Variants in KLHL7 observed in about 807,000 individuals in gnomAD.
KLHL7 encodes the protein kelch-like protein 7.
A neutral mutation model predicts 67.4 loss-of-function variants in KLHL7; 44 were observed. The observed-to-expected ratio is 0.65, with a 90% CI of 0.51 to 0.84. The LOEUF is 0.84. KLHL7 is among the 40% of genes least tolerant of loss of function. KLHL7 has a pLI of 0.00. For missense variants in KLHL7, 362 were observed against 718.1 expected (o/e 0.50, Z 5.67); for synonymous variants, 252 against 243.3 (o/e 1.04, Z -0.33).
chr7:23,162,054 A>G (rs563091227), intron 7 of KLHL7, among the ~76,000 whole-genome samples: 1 of 152,330 alleles, frequency 6.6e-6, no homozygotes, highest in African/African-American at 2.4e-5. Flanking sequence ...AACAATGACA[A>G]TTCAAGTGCC....
intron 4 of KLHL7, among the ~76,000 whole-genome samples, chr7:23,140,505 C>T (rs530321706): frequency 9.9e-5 from 15 of 152,014 alleles, no homozygotes; most frequent in Non-Finnish European, 1.9e-4. Context: ...TGCAGTGAGC[C>T]GAGATCGCGC....
intron 9 of KLHL7, among the ~76,000 whole-genome samples, chr7:23,170,474 A>G (rs1162356395): frequency 1.3e-5 from 2 of 152,254 alleles, no homozygotes; most frequent in Non-Finnish European, 2.9e-5. Flanking sequence ...ACAGAAATAC[A>G]GTTAGATAGG....
chr7:23,149,586 C>G (rs952799184), intron 6 of KLHL7, among the ~76,000 whole-genome samples: 2 of 152,218 alleles, frequency 1.3e-5, no homozygotes, highest in African/African-American at 2.4e-5. Context: ...TTAGGATTTT[C>G]AACACACTTC....
At chr7:23,121,228 A>T (rs1398524351) in intron 1 of KLHL7, among the ~76,000 whole-genome samples, 1 of 152,064 alleles carries the variant, frequency 6.6e-6, no homozygotes, top group African/African-American at 2.4e-5. Context: ...TTCTTTATCA[A>T]TTCGTCTATC....
chr7:23,106,221 A>AC, intron 1 of KLHL7, 75 bp downstream of exon 1: 1 of 1,565,578 alleles, frequency 6.4e-7, no homozygotes, highest in Non-Finnish European at 8.7e-7. Context: ...CCGGGGTGGA[A>AC]CCCCGCGCCC....
At chr7:23,145,780 G>C (rs1034641078) in intron 6 of KLHL7, among the ~76,000 whole-genome samples, 1 of 152,172 alleles carries the variant, frequency 6.6e-6, no homozygotes, top group African/African-American at 2.4e-5. Context: ...TCCCAGGCTG[G>C]AGTACAGTGG....
intron 1 of KLHL7, among the ~76,000 whole-genome samples, chr7:23,120,085 C>T (rs554649758): frequency 9.9e-5 from 15 of 152,196 alleles, no homozygotes; most frequent in African/African-American, 3.6e-4. Context: ...TCTCGGCTCA[C>T]TGCAACCTTT....
chr7:23,125,715 T>C (rs932688935), intron 4 of KLHL7: 99 of 1,454,018 alleles, frequency 6.8e-5, no homozygotes, highest in Non-Finnish European at 8.5e-5. Flanking sequence ...GGGACTGCTA[T>C]AGCCATTTTG....
Position 23,144,033 on chromosome 7 carries a change from G to C in KLHL7, c.793+8G>C. 1 of 1,610,678 alleles carries C rather than the reference G, an allele frequency of 6.2e-7. No individual in the cohort carries two copies. On this transcript the variant is annotated splice_region_variant and intron_variant, in intron 6 of 10. Coordinates refer to ENST00000339077, the MANE Select transcript of KLHL7 (RefSeq NM_001031710.3). The stretch of plus-strand genomic sequence containing the variant: ...GCCTTAAGATGGTGATAAGTAAGTT[G>C]CCTTAATAACCATTTATAACCTGAT...
chr7:23,140,529 C>G (rs1043192152), intron 4 of KLHL7: 10 of 485,608 alleles, frequency 2.1e-5, no homozygotes, highest in Non-Finnish European at 3.4e-5. Context: ...TGCACTCCAG[C>G]CTGGGCGATG....
In KLHL7 at chr7:23,147,095, T is replaced by A. The variant is rs572327616; in HGVS notation, c.793+3070T>A. Reference sequence around the variant, plus strand: ...CTATGTATTACTTATTAACCTGGACTTTTTTTTTTTTTTTTTTAGACAGTC... The same window carrying A: ...CTATGTATTACTTATTAACCTGGACATTTTTTTTTTTTTTTTTAGACAGTC... On this transcript the variant is annotated intron_variant, in intron 6 of 10. Transcript: ENST00000339077. Among the ~76,000 whole-genome samples, 190 of 131,958 alleles carry A rather than the reference T, an allele frequency of 1.4e-3. No homozygotes were observed. In the South Asian group the frequency reaches 0.022, roughly 16 times the overall value. 86.6% of individuals were successfully genotyped at this position (131,958 alleles called of 152,430 possible).
chr7:23,129,328 C>T, intron 4 of KLHL7: 1 of 339,700 alleles, frequency 2.9e-6, no homozygotes, highest in Non-Finnish European at 5.8e-6. Context: ...CTACAGGGCA[C>T]ATAAATTGGT....
At chr7:23,168,892 G>A (rs1399110700) in intron 9 of KLHL7, among the ~76,000 whole-genome samples, 1 of 152,184 alleles carries the variant, frequency 6.6e-6, no homozygotes, top group Admixed American at 6.5e-5. Flanking sequence ...CGTGCTTAAA[G>A]TTTTATATTT....
intron 9 of KLHL7, among the ~76,000 whole-genome samples, chr7:23,171,524 C>CGT (rs1785160773): frequency 6.6e-6 from 1 of 152,116 alleles, no homozygotes; most frequent in South Asian, 2.1e-4. Context: ...CCTGGATGAG[C>CGT]GTGTGTGTTT....
At chr7:23,150,369 T>C (rs1784492990) in intron 6 of KLHL7, among the ~76,000 whole-genome samples, 1 of 152,210 alleles carries the variant, frequency 6.6e-6, no homozygotes, top group African/African-American at 2.4e-5. Context: ...AGTCATTTAC[T>C]TATATATCCA....
intron 7 of KLHL7, among the ~76,000 whole-genome samples, chr7:23,157,349 C>G (rs889920921): frequency 2.0e-5 from 3 of 152,184 alleles, no homozygotes; most frequent in African/African-American, 4.8e-5. Flanking sequence ...GCTGCAGGCC[C>G]CAGCAGCTGA....
intron 5 of KLHL7, among the ~76,000 whole-genome samples, chr7:23,142,889 G>T (rs576991814): frequency 1.1e-4 from 16 of 152,056 alleles, no homozygotes; most frequent in Admixed American, 3.9e-4. Flanking sequence ...AAAAACTAAA[G>T]AAATCCAAAA....
chr7:23,123,819 A>T lies in KLHL7; in HGVS notation c.163A>T (p.Ile55Leu). Residue 55 changes from isoleucine (I) to leucine (L), a missense_variant, in exon 2 of 11, where the codon ATA becomes TTA. Ile to Leu is a conservative substitution (Grantham distance 5). Coordinates refer to ENST00000339077, the MANE Select transcript of KLHL7 (RefSeq NM_001031710.3). ...DVILMVQERK[I>L]PAHRVVLAAA... ...GATCCTCATGGTCCAGGAAAGAAAG[A>T]TACCTGCTCATCGTGTTGTTCTTGC... 1 of 1,613,870 alleles carries T rather than the reference A, an allele frequency of 6.2e-7. No individual in the cohort carries two copies. Among genetic ancestry groups the T allele is most frequent in the Non-Finnish European group, 8.5e-7 (1 of 1,179,910 alleles).
chr7:23,127,531 T>C (rs1562561996), intron 4 of KLHL7, among the ~76,000 whole-genome samples: 2 of 152,108 alleles, frequency 1.3e-5, no homozygotes, highest in Admixed American at 6.5e-5. Context: ...GATTGGATAA[T>C]TCCTAGCTTA....
Sources: gnomAD v4.1 joint callset for allele counts (sites outside exome capture counted in the v4.1 genomes callset) on GRCh38, gnomAD v4.1.1 for gene constraint, MANE v1.5 for transcripts, NCBI Gene and HGNC (gene_info 2026-07-23, HGNC 2026-07-21) for gene names.